Variants in DIS3L2 observed in about 807,000 individuals in gnomAD.
DIS3L2 encodes the protein DIS3 like 3'-5' exoribonuclease 2.
In DIS3L2, 34 loss-of-function variants were observed where a neutral mutation model predicts 97.5. The observed-to-expected ratio is 0.35, with a 90% confidence interval of 0.27 to 0.46. The LOEUF is 0.46. Among genes scored for constraint, DIS3L2 ranks in the 20% least tolerant of loss-of-function variants. The pLI is 1.00. For missense variants in DIS3L2, 1,038 were observed against 1,146.0 expected, an observed-to-expected ratio of 0.91 and a Z score of 1.36; for synonymous variants, 435 against 445.2, an observed-to-expected ratio of 0.98 and a Z score of 0.29.
chr2:232,260,291 G>A (rs1357104636), intron 12 of DIS3L2: 2 of 152,286 alleles, frequency 1.3e-5, no homozygotes, highest in African/African-American at 4.8e-5. Flanking sequence ...CAAGAATGAA[G>A]AGGTCATGGC....
At chr2:232,072,021 T>G (rs539391897) in intron 5 of DIS3L2, among the ~76,000 whole-genome samples, 1 of 152,192 alleles carries the variant, frequency 6.6e-6, no homozygotes, top group South Asian at 2.1e-4. Context: ...TGTTAAGCAG[T>G]GGGAAGAGTC....
At position 232,093,033 on chromosome 2, in the gene DIS3L2, T is replaced by G. The variant is rs145172185; in HGVS notation, c.601+5312T>G. 1.3e-4 allele frequency among the ~76,000 whole-genome samples: 20 copies of G among 152,314 alleles called. No homozygotes were observed. The East Asian group carries it at 3.9e-3, about 29-fold the overall frequency. ...TGATATTAGCTGTGGGTCTGTCCTATGCAGCTTTTGTTAGGCTGAGATATG... is the reference window on the plus strand; with the variant it reads ...TGATATTAGCTGTGGGTCTGTCCTAGGCAGCTTTTGTTAGGCTGAGATATG... On this transcript the variant is annotated intron_variant, in intron 6 of 20. Coordinates refer to ENST00000325385, the MANE Select transcript of DIS3L2 (RefSeq NM_152383.5).
At chr2:232,175,179 C>G (rs1691117920) in intron 9 of DIS3L2, among the ~76,000 whole-genome samples, 1 of 152,170 alleles carries the variant, frequency 6.6e-6, no homozygotes, top group Admixed American at 6.5e-5. Context: ...TGTAGATGCT[C>G]TCTATCAGCT....
intron 10 of DIS3L2, among the ~76,000 whole-genome samples, chr2:232,226,484 T>C (rs534284430): frequency 6.6e-6 from 1 of 152,368 alleles, no homozygotes; most frequent in South Asian, 2.1e-4. Flanking sequence ...ATTCATTTAA[T>C]CAAGAAATAG....
chr2:232,043,632 A>G (rs1157531731), intron 5 of DIS3L2, among the ~76,000 whole-genome samples: 1 of 152,238 alleles, frequency 6.6e-6, no homozygotes, highest in Non-Finnish European at 1.5e-5. Context: ...TGGTCTGTCT[A>G]TAAGATCACC....
chr2:232,295,254 A>C (rs1251687047), intron 13 of DIS3L2, among the ~76,000 whole-genome samples: 1 of 151,984 alleles, frequency 6.6e-6, no homozygotes, highest in Non-Finnish European at 1.5e-5. Context: ...GCAATTTCAA[A>C]CCTTCATCAC....
intron 6 of DIS3L2, among the ~76,000 whole-genome samples, chr2:232,098,709 C>A (rs1697104641): frequency 6.6e-6 from 1 of 152,026 alleles, no homozygotes; most frequent in Admixed American, 6.6e-5. Flanking sequence ...TTTTTAATAT[C>A]ATTTGCCCAT....
intron 6 of DIS3L2, among the ~76,000 whole-genome samples, chr2:232,096,079 G>A (rs1337013729): frequency 2.0e-5 from 3 of 149,286 alleles, no homozygotes; most frequent in African/African-American, 7.4e-5. Context: ...ATGCCTTGGG[G>A]TAGTTGTCTT....
chr2:232,101,415 C>T (rs1037721583), intron 6 of DIS3L2, among the ~76,000 whole-genome samples: 1 of 151,984 alleles, frequency 6.6e-6, no homozygotes, highest in Non-Finnish European at 1.5e-5. Context: ...TGTATACATG[C>T]ATATCCATAT....
At chr2:232,129,383 T>C (rs567703159) in intron 6 of DIS3L2, among the ~76,000 whole-genome samples, 1 of 152,326 alleles carries the variant, frequency 6.6e-6, no homozygotes, top group Non-Finnish European at 1.5e-5. Context: ...TCTCTACAAT[T>C]ATAAAAAATG....
intron 14 of DIS3L2, among the ~76,000 whole-genome samples, chr2:232,324,709 C>A (rs1448965779): frequency 1.3e-5 from 2 of 152,090 alleles, no homozygotes; most frequent in Admixed American, 1.3e-4. Flanking sequence ...TGTTTTTTGC[C>A]CAAGTCCTAG....
At chr2:232,167,364 G>C (rs1690854332) in intron 9 of DIS3L2, among the ~76,000 whole-genome samples, 2 of 152,130 alleles carry the variant, frequency 1.3e-5, no homozygotes, top group South Asian at 4.2e-4. Flanking sequence ...GAAAAGTATA[G>C]AAAACTGTTT....
At chr2:232,205,359 G>A (rs1329169309) in intron 9 of DIS3L2, among the ~76,000 whole-genome samples, 1 of 151,728 alleles carries the variant, frequency 6.6e-6, no homozygotes, top group Non-Finnish European at 1.5e-5. Context: ...AGACTCAAGC[G>A]ATTCTCCCAC....
intron 14 of DIS3L2, among the ~76,000 whole-genome samples, chr2:232,309,699 A>G (rs1345237128): frequency 6.6e-6 from 1 of 152,180 alleles, no homozygotes; most frequent in African/African-American, 2.4e-5. Context: ...GCCAAAGCCA[A>G]AGCCAAAGCT....
At chr2:232,011,722 T>C (rs537155433) in intron 1 of DIS3L2, among the ~76,000 whole-genome samples, 167 of 152,232 alleles carry the variant, frequency 1.1e-3, no homozygotes, top group African/African-American at 3.9e-3. Flanking sequence ...CAGTCTCGGC[T>C]CACTGCTACC....
intron 3 of DIS3L2, among the ~76,000 whole-genome samples, chr2:232,016,326 A>C (rs1292185747): frequency 6.6e-6 from 1 of 152,216 alleles, no homozygotes; most frequent in Non-Finnish European, 1.5e-5. Flanking sequence ...TGCCTTTGAC[A>C]TGGAGGTAGA....
At chr2:232,090,885 C>G (rs1219720166) in intron 6 of DIS3L2, among the ~76,000 whole-genome samples, 1 of 152,240 alleles carries the variant, frequency 6.6e-6, no homozygotes, top group East Asian at 1.9e-4. Context: ...CTACCAGTTT[C>G]TCTGGTAAGA....
rs36151054 is a variant in DIS3L2 at position 231,966,641 on chromosome 2, A to ATTTTTTTTTT, written c.-94+4901_-94+4910dup. Among the ~76,000 whole-genome samples the ATTTTTTTTTT allele has an allele frequency of 2.2e-3, 109 of 50,402 alleles. 5 individuals are homozygous for ATTTTTTTTTT. Among genetic ancestry groups the ATTTTTTTTTT allele is most frequent in the Non-Finnish European group, 2.7e-3 (75 of 27,948 alleles). 33.1% of individuals were successfully genotyped at this position (50,402 alleles called of 152,430 possible). A position where few individuals can be genotyped will look rare whatever the true frequency, so the allele number is the denominator to read the frequency against. ...CACCATGCCCAGCTAGTTAAAAAAC[A>ATTTTTTTTTT]TTTTTTTTTTTTTTTTTTTTTTTTT... is the stretch of plus-strand genomic sequence containing the variant. On this transcript the variant is annotated intron_variant, in intron 1 of 20. Coordinates refer to ENST00000325385, the MANE Select transcript of DIS3L2 (RefSeq NM_152383.5).
chr2:232,010,572 T>G (rs1694170953), intron 1 of DIS3L2, among the ~76,000 whole-genome samples: 1 of 152,164 alleles, frequency 6.6e-6, no homozygotes, highest in African/African-American at 2.4e-5. Context: ...TTCCCATCTT[T>G]TGCTTTCCAT....
Sources: allele counts gnomAD v4.1 joint callset (sites outside exome capture counted in the v4.1 genomes callset), GRCh38; gene constraint gnomAD v4.1.1; transcripts MANE v1.5; gene names NCBI Gene and HGNC (gene_info 2026-07-23, HGNC 2026-07-21).